Variants in SYT6 observed in about 807,000 individuals in gnomAD.
SYT6 encodes the protein synaptotagmin 6.
Under a neutral mutation model 38.4 loss-of-function variants are expected in SYT6, and 24 were observed. The ratio of observed to expected loss-of-function variants is 0.62; its 90% confidence interval spans 0.45 to 0.88. The LOEUF (loss-of-function observed/expected upper bound fraction) is 0.88. Ranked by LOEUF, SYT6 falls within the 40% of genes least tolerant of loss-of-function variation. The pLI, the probability that SYT6 is intolerant of heterozygous loss-of-function variation, is 0.00. For synonymous variants in SYT6, 265 were observed against 241.9 expected (o/e 1.10, Z -0.89); for missense variants, 611 against 621.0 (o/e 0.98, Z 0.17).
intron 1 of SYT6, among the ~76,000 whole-genome samples, chr1:114,147,724 AACCTGTC>A (rs1378938044): frequency 1.3e-5 from 2 of 152,220 alleles, no homozygotes; most frequent in Non-Finnish European, 2.9e-5. Flanking sequence ...CAAGTTATTT[AACCTGTC>A]CAAATCTTAG....
chr1:114,103,373 T>G (rs1676080469), intron 4 of SYT6, among the ~76,000 whole-genome samples: 2 of 152,286 alleles, frequency 1.3e-5, no homozygotes, highest in Non-Finnish European at 2.9e-5. Flanking sequence ...TCATTTCTCC[T>G]GAAAGCAACC....
intron 3 of SYT6, among the ~76,000 whole-genome samples, chr1:114,119,494 T>C (rs1304506734): frequency 1.3e-5 from 2 of 152,256 alleles, no homozygotes; most frequent in Admixed American, 1.3e-4. Flanking sequence ...CTGAGATTTG[T>C]GTGAATTCTC....
At chr1:114,116,780 C>T (rs1191462235) in intron 3 of SYT6, among the ~76,000 whole-genome samples, 10 of 152,208 alleles carry the variant, frequency 6.6e-5, no homozygotes, top group South Asian at 2.1e-4. Context: ...CACCCCCGCC[C>T]GGAACTCAGG....
intron 4 of SYT6, among the ~76,000 whole-genome samples, chr1:114,102,699 G>A (rs1172699221): frequency 1.3e-5 from 2 of 152,102 alleles, no homozygotes; most frequent in Non-Finnish European, 2.9e-5. Flanking sequence ...CTGAATCATC[G>A]AGAGTCTCTT....
intron 3 of SYT6, among the ~76,000 whole-genome samples, chr1:114,110,441 G>A (rs906065864): frequency 2.6e-5 from 4 of 152,186 alleles, no homozygotes; most frequent in Admixed American, 1.3e-4. Flanking sequence ...AGATGGGGAG[G>A]AGCAGCCAAG....
intron 4 of SYT6, among the ~76,000 whole-genome samples, chr1:114,100,886 C>T (rs1360671631): frequency 6.6e-6 from 1 of 152,138 alleles, no homozygotes; most frequent in Non-Finnish European, 1.5e-5. Flanking sequence ...CTTGAGGTTG[C>T]TCAGGTGCCG....
At chr1:114,107,124 T>TG (rs1326858649) in intron 3 of SYT6, among the ~76,000 whole-genome samples, 2 of 152,170 alleles carry the variant, frequency 1.3e-5, no homozygotes, top group Non-Finnish European at 2.9e-5. Context: ...GTCCTACAGA[T>TG]GCGGAGTTGC....
intron 6 of SYT6, among the ~76,000 whole-genome samples, chr1:114,094,704 A>G (rs905713180): frequency 6.6e-6 from 1 of 152,216 alleles, no homozygotes; most frequent in African/African-American, 2.4e-5. Flanking sequence ...TCCCTTAAGA[A>G]AGGTTCAAGA....
At chr1:114,102,930 C>G (rs1019066297) in intron 4 of SYT6, among the ~76,000 whole-genome samples, 1 of 152,168 alleles carries the variant, frequency 6.6e-6, no homozygotes, top group Non-Finnish European at 1.5e-5. Context: ...AGACTCAAAC[C>G]TCTGACACTA....
intron 3 of SYT6, among the ~76,000 whole-genome samples, chr1:114,135,868 A>G (rs985627232): frequency 6.6e-6 from 1 of 152,214 alleles, no homozygotes; most frequent in Admixed American, 6.5e-5. Context: ...CTACCTGTCC[A>G]GTTACCATAA....
intron 3 of SYT6, among the ~76,000 whole-genome samples, chr1:114,129,612 CTTTCCTTTCTTT>C (rs760320560): frequency 0.047 from 2,852 of 61,164 alleles, 31 homozygotes; most frequent in Admixed American, 0.074. Context: ...TTCTTTCTTT[CTTTCCTTTCTTT>C]CTTTCTTTCT....
At chr1:114,150,162 G>A (rs1036980788) in intron 1 of SYT6, among the ~76,000 whole-genome samples, 1 of 152,132 alleles carries the variant, frequency 6.6e-6, no homozygotes, top group African/African-American at 2.4e-5. Flanking sequence ...TAACTCTGTG[G>A]ACAGGGAAGA....
intron 1 of SYT6, among the ~76,000 whole-genome samples, chr1:114,148,672 T>C (rs1406086696): frequency 7.7e-5 from 1 of 12,974 alleles, no homozygotes; most frequent in African/African-American, 6.1e-4. Context: ...TAATATCATT[T>C]ATTTATTTAT....
rs375733277 is a variant in SYT6 at position 114,120,202 on chromosome 1, G to A, written c.1072-16481C>T. On this transcript the variant is annotated intron_variant, in intron 3 of 7. Transcript: ENST00000610222. The stretch of plus-strand genomic sequence containing the variant: ...GCATAGAGGTGTTGATGAGGTCTCA[G>A]AATTCAAAGACCACACTATGATCTC... Among the ~76,000 whole-genome samples the A allele has an allele frequency of 1.6e-4, 25 of 152,294 alleles. No individual in the cohort carries two copies. In the East Asian group the frequency reaches 3.3e-3, roughly 20 times the overall value.
At chr1:114,100,413 C>G (rs485884) in intron 4 of SYT6, among the ~76,000 whole-genome samples, 2 of 152,178 alleles carry the variant, frequency 1.3e-5, no homozygotes, top group African/African-American at 4.8e-5. Flanking sequence ...CACTAGGGCC[C>G]TGTACTCCCT....
chr1:114,097,622 C>T, intron 6 of SYT6, 105 bp downstream of exon 6: 3 of 1,417,428 alleles, frequency 2.1e-6, no homozygotes, highest in Non-Finnish European at 2.9e-6. Flanking sequence ...GGCCCTCATG[C>T]CCACCTTTCC....
chr1:114,139,386 A>G (rs537951200), intron 2 of SYT6, among the ~76,000 whole-genome samples: 11 of 152,098 alleles, frequency 7.2e-5, no homozygotes, highest in South Asian at 2.1e-4. Context: ...CCCAAGTGCA[A>G]ACCACATATA....
At chr1:114,120,542 G>A (rs997927957) in intron 3 of SYT6, among the ~76,000 whole-genome samples, 1 of 152,166 alleles carries the variant, frequency 6.6e-6, no homozygotes, top group African/African-American at 2.4e-5. Context: ...CATGTCCTAT[G>A]AGCTAGCTAA....
chr1:114,140,117 G>T (rs1678777643), intron 1 of SYT6, among the ~76,000 whole-genome samples, 154 bp from the exon 2 acceptor site: 2 of 152,158 alleles, frequency 1.3e-5, no homozygotes, highest in South Asian at 4.1e-4. Flanking sequence ...AGGGAGAGGT[G>T]GTTTCAGGGT....
Sources: allele counts gnomAD v4.1 joint callset (sites outside exome capture counted in the v4.1 genomes callset), GRCh38; gene constraint gnomAD v4.1.1; transcripts MANE v1.5; gene names NCBI Gene and HGNC (gene_info 2026-07-23, HGNC 2026-07-21).